DNAH11: variants seen among roughly 807,000 people sequenced by gnomAD.
DNAH11 encodes the protein axonemal beta dynein heavy chain 11.
DNAH11 carries 442 observed loss-of-function variants against 526.0 expected under a neutral mutation model. The ratio of observed to expected loss-of-function variants is 0.84; its 90% confidence interval spans 0.78 to 0.91. DNAH11 has a LOEUF of 0.91. DNAH11 is among the 40% of genes least tolerant of loss of function. The pLI, the probability that DNAH11 is intolerant of heterozygous loss-of-function variation, is 0.00. For missense variants in DNAH11, 6,989 were observed against 5,448.7 expected, an observed-to-expected ratio of 1.28 and a Z score of -8.90; for synonymous variants, 2,461 against 1,935.9, an observed-to-expected ratio of 1.27 and a Z score of -7.12.
intron 54 of DNAH11, among the ~76,000 whole-genome samples, chr7:21,756,935 C>T (rs972194992): frequency 6.6e-6 from 1 of 152,136 alleles, no homozygotes; most frequent in African/African-American, 2.4e-5. Context: ...TAATTATCTT[C>T]AATTCATTTT....
At chr7:21,584,526 A>G (rs896288992) in intron 9 of DNAH11, among the ~76,000 whole-genome samples, 2 of 152,188 alleles carry the variant, frequency 1.3e-5, no homozygotes, top group South Asian at 2.1e-4. Context: ...ATGTATACCT[A>G]TGTAACAAAC....
chr7:21,702,416 G>A (rs967103799), intron 36 of DNAH11, among the ~76,000 whole-genome samples: 4 of 151,908 alleles, frequency 2.6e-5, no homozygotes, highest in African/African-American at 9.7e-5. Context: ...TAGCAGGTCT[G>A]TTGAGAGAGT....
chr7:21,630,007 T>C (rs977092500), intron 25 of DNAH11, among the ~76,000 whole-genome samples: 1 of 152,152 alleles, frequency 6.6e-6, no homozygotes, highest in African/African-American at 2.4e-5. Context: ...TTTACTGCCT[T>C]CCTTTATTGT....
chr7:21,730,924 A>G (rs1055002144), intron 45 of DNAH11, among the ~76,000 whole-genome samples: 2 of 152,190 alleles, frequency 1.3e-5, no homozygotes, highest in Non-Finnish European at 2.9e-5. Flanking sequence ...CAGGTTGATC[A>G]CCTGAGGTCA....
chr7:21,827,675 G>A (rs1258272413), intron 65 of DNAH11, among the ~76,000 whole-genome samples: 1 of 151,872 alleles, frequency 6.6e-6, no homozygotes, highest in Non-Finnish European at 1.5e-5. Flanking sequence ...GAAATAGAGG[G>A]AGATGGCATT....
intron 61 of DNAH11, among the ~76,000 whole-genome samples, chr7:21,795,524 A>G (rs570588897): frequency 6.6e-6 from 1 of 152,330 alleles, no homozygotes; most frequent in South Asian, 2.1e-4. Flanking sequence ...AAGTCTTTTA[A>G]CTTTTTATGC....
At chr7:21,767,092 A>G (rs1787215923) in intron 55 of DNAH11, among the ~76,000 whole-genome samples, 1 of 152,178 alleles carries the variant, frequency 6.6e-6, no homozygotes, top group Non-Finnish European at 1.5e-5. Flanking sequence ...CAAATTTCGT[A>G]TGTGATTGCC....
chr7:21,597,715 C>T (rs1404151312), intron 14 of DNAH11, among the ~76,000 whole-genome samples: 1 of 152,168 alleles, frequency 6.6e-6, no homozygotes, highest in East Asian at 1.9e-4. Context: ...GCCACTCTCC[C>T]AACACATGGA....
Position 21,564,207 on chromosome 7 carries a change from T to C in DNAH11, c.1004T>C (p.Val335Ala). ...TCAGCTCTTCTCGAAGCCCAAGATG[T>C]GGAACTTTACCTGAGACCTCTGAGG... ...VENALLEAQD[V>A]ELYLRPLRRH... Residue 335 changes from valine (V) to alanine (A), a missense_variant, in exon 6 of 82, where the codon GTG becomes GCG. Val to Ala is a moderately conservative substitution (Grantham distance 64). Coordinates refer to ENST00000409508, the MANE Select transcript of DNAH11 (RefSeq NM_001277115.2). 6.3e-7 allele frequency: 1 copy of C among 1,599,338 alleles called. No individual in the cohort carries two copies. Among genetic ancestry groups the C allele is most frequent in the Non-Finnish European group, 8.5e-7 (1 of 1,173,372 alleles).
At chr7:21,770,586 C>T (rs1562536056) in intron 55 of DNAH11, among the ~76,000 whole-genome samples, 1 of 152,120 alleles carries the variant, frequency 6.6e-6, no homozygotes, top group Non-Finnish European at 1.5e-5. Context: ...GGATGGAGGC[C>T]CAAGAGTAAA....
At chr7:21,641,879 ATGAC>A (rs1787147568) in intron 28 of DNAH11, among the ~76,000 whole-genome samples, 1 of 152,178 alleles carries the variant, frequency 6.6e-6, no homozygotes, top group Middle Eastern at 3.2e-3. Context: ...TCCTTAATGA[ATGAC>A]TAGATTATAT....
chr7:21,636,562 C>T (rs891056159), intron 26 of DNAH11, among the ~76,000 whole-genome samples: 1 of 151,850 alleles, frequency 6.6e-6, no homozygotes, highest in Non-Finnish European at 1.5e-5. Context: ...TGGTGAGATC[C>T]CTTCTCTACT....
intron 60 of DNAH11, among the ~76,000 whole-genome samples, chr7:21,788,683 ATGT>A (rs1373452589): frequency 6.6e-6 from 1 of 152,130 alleles, no homozygotes; most frequent in African/African-American, 2.4e-5. Flanking sequence ...AATGTGGTTG[ATGT>A]TGTGTGGATA....
intron 65 of DNAH11, among the ~76,000 whole-genome samples, chr7:21,826,523 A>G (rs1242974958): frequency 1.3e-5 from 2 of 152,198 alleles, no homozygotes; most frequent in African/African-American, 2.4e-5. Flanking sequence ...AAATTAATCT[A>G]CATGTTTGTA....
chr7:21,610,568 G>A (rs1452120835), intron 20 of DNAH11, among the ~76,000 whole-genome samples: 3 of 152,096 alleles, frequency 2.0e-5, no homozygotes, highest in East Asian at 1.9e-4. Flanking sequence ...GGATAGAGAT[G>A]CATGCAAAGT....
At chr7:21,691,160 T>G (rs1327200592) in intron 35 of DNAH11, among the ~76,000 whole-genome samples, 1 of 135,034 alleles carries the variant, frequency 7.4e-6, no homozygotes, top group East Asian at 2.3e-4. Context: ...AAACATAATC[T>G]TTCATAATTT....
At chr7:21,636,330 C>T (rs893371095) in intron 26 of DNAH11, among the ~76,000 whole-genome samples, 1 of 152,120 alleles carries the variant, frequency 6.6e-6, no homozygotes, top group African/African-American at 2.4e-5. Flanking sequence ...AATAAATAAA[C>T]AAATGGATAT....
chr7:21,701,447 G>A (rs1043272903), intron 36 of DNAH11, among the ~76,000 whole-genome samples: 1 of 151,880 alleles, frequency 6.6e-6, no homozygotes, highest in African/African-American at 2.4e-5. Flanking sequence ...GCACCATCAC[G>A]CCCAGCTAAT....
intron 14 of DNAH11, among the ~76,000 whole-genome samples, chr7:21,592,474 G>A (rs905595243): frequency 3.0e-4 from 45 of 152,188 alleles, no homozygotes; most frequent in African/African-American, 1.0e-3. Flanking sequence ...TGGTAGTAGA[G>A]GGTGAGGTAG....
Sources: gnomAD v4.1 joint callset for allele counts (sites outside exome capture counted in the v4.1 genomes callset) on GRCh38, gnomAD v4.1.1 for gene constraint, MANE v1.5 for transcripts, NCBI Gene and HGNC (gene_info 2026-07-23, HGNC 2026-07-21) for gene names.